Variants in PCDHGA4 observed in about 807,000 individuals in gnomAD.
PCDHGA4 encodes protocadherin gamma-A4.
PCDHGA4 carries 38 observed loss-of-function variants against 54.6 expected under a neutral mutation model. The ratio of observed to expected loss-of-function variants is 0.70; its 90% CI spans 0.54 to 0.91. The LOEUF is 0.91. Ranked by LOEUF, PCDHGA4 falls within the 40% of genes least tolerant of loss-of-function variation. The probability of loss-of-function intolerance (pLI) is 0.00; values close to 1 mark genes in which losing one functional copy is unlikely to be tolerated. For synonymous variants in PCDHGA4, 511 were observed against 512.9 expected (o/e 1.00, Z 0.05); for missense variants, 1,298 against 1,220.9 (o/e 1.06, Z -0.94).
intron 1 of PCDHGA4, chr5:141,364,195 A>G: frequency 9.3e-7 from 1 of 1,073,724 alleles, no homozygotes; most frequent in East Asian, 2.8e-5. Context: ...CTAAACACAC[A>G]GACCAGACAA....
chr5:141,382,360 A>C (rs1310834058), intron 1 of PCDHGA4, among the ~76,000 whole-genome samples: 1 of 152,210 alleles, frequency 6.6e-6, no homozygotes, highest in Non-Finnish European at 1.5e-5. Flanking sequence ...ATTTAAATAA[A>C]ATTTACCTTT....
intron 1 of PCDHGA4, chr5:141,415,035 C>G (rs368588973): frequency 5.6e-6 from 9 of 1,613,578 alleles, no homozygotes; most frequent in South Asian, 1.1e-5. Context: ...AGCCGGGACT[C>G]TTCGCGGTGG....
chr5:141,388,527 T>C, intron 1 of PCDHGA4: 1 of 1,613,866 alleles, frequency 6.2e-7, no homozygotes, highest in Non-Finnish European at 8.5e-7. Flanking sequence ...TTTGACTGCC[T>C]TGGACTTTGG....
At chr5:141,465,978 C>T (rs568961720) in intron 1 of PCDHGA4, among the ~76,000 whole-genome samples, 7 of 151,998 alleles carry the variant, frequency 4.6e-5, no homozygotes, top group South Asian at 2.1e-4. Context: ...AAAAATTAGC[C>T]GGGCATGGTG....
At chr5:141,387,473 G>C (rs1032850562) in intron 1 of PCDHGA4, among the ~76,000 whole-genome samples, 2 of 152,190 alleles carry the variant, frequency 1.3e-5, no homozygotes. Context: ...CCTCAAAGTT[G>C]GGATGAAGGC....
At chr5:141,510,404 G>T (rs1596286932) in intron 3 of PCDHGA4, among the ~76,000 whole-genome samples, 2 of 152,252 alleles carry the variant, frequency 1.3e-5, no homozygotes, top group East Asian at 3.9e-4. Context: ...AAAGGCTAGG[G>T]GCATGTAAAG....
chr5:141,502,750 A>G (rs974131144), intron 2 of PCDHGA4, among the ~76,000 whole-genome samples: 3 of 151,928 alleles, frequency 2.0e-5, no homozygotes, highest in Non-Finnish European at 4.4e-5. Context: ...TTCCTTCTAC[A>G]TGTATTTGCT....
At position 141,356,757 on chromosome 5, in the gene PCDHGA4, C is replaced by T. The variant is rs1413768876; in HGVS notation, c.1650C>T (p.Ser550=). The stretch of plus-strand genomic sequence containing the variant: ...CAGGGATCCTATATGCTCTTTGCTC[C>T]TTCGACTATGAGCAGTTTAGAGACC... The part of the protein sequence containing the change: ...SNTGILYALC[S]FDYEQFRDLQ... Residue 550 remains serine (S), a synonymous_variant, in exon 1 of 4, where the codon TCC becomes TCT. Coordinates refer to ENST00000571252, the MANE Select transcript of PCDHGA4 (RefSeq NM_018917.4). The T allele has an allele frequency of 1.2e-6, 2 of 1,613,908 alleles. No individual in the cohort carries two copies. Among genetic ancestry groups the T allele is most frequent in the Non-Finnish European group, 1.7e-6 (2 of 1,179,784 alleles).
intron 1 of PCDHGA4, chr5:141,428,912 T>C (rs1010303812): frequency 6.6e-6 from 1 of 151,946 alleles, no homozygotes; most frequent in Non-Finnish European, 1.5e-5. Context: ...TGGAGTGCAG[T>C]GGCATGATCT....
Position 141,487,660 on chromosome 5 carries a change from T to C in PCDHGA4, c.2515-7147T>C. Reference sequence around the variant, plus strand: ...AACAAATGCTTGAGGGTTATTCTGATCCAGGCATATGGCTAGGCCATGTCC... The same window carrying C: ...AACAAATGCTTGAGGGTTATTCTGACCCAGGCATATGGCTAGGCCATGTCC... On this transcript the variant is annotated intron_variant, in intron 1 of 3. Coordinates refer to ENST00000571252, the MANE Select transcript of PCDHGA4 (RefSeq NM_018917.4). The surrounding 1 kb of genome is among the most constrained non-coding windows in gnomAD (Gnocchi z 5.0). The C allele has an allele frequency of 6.2e-7, 1 of 1,613,442 alleles. No homozygotes were observed. The highest frequency in any genetic ancestry group is 8.5e-7 in the Non-Finnish European group (1 of 1,179,710).
At position 141,487,493 on chromosome 5, in the gene PCDHGA4, C is replaced by A. The variant is rs1372433097; in HGVS notation, c.2515-7314C>A. 5.6e-6 allele frequency: 9 copies of A among 1,614,050 alleles called. No individual in the cohort carries two copies. The highest frequency in any genetic ancestry group is 6.8e-6 in the Non-Finnish European group (8 of 1,180,034). On this transcript the variant is annotated intron_variant, in intron 1 of 3. Coordinates refer to ENST00000571252, the MANE Select transcript of PCDHGA4 (RefSeq NM_018917.4). This position sits in a 1 kb window ranked among gnomAD's most constrained non-coding sequence, Gnocchi z 5.0. ...GGGAGGCCACTCTCATGGCTGTACACCCTTGGCTTCTGCACCCACTCGGAG... is the reference window on the plus strand; with the variant it reads ...GGGAGGCCACTCTCATGGCTGTACAACCTTGGCTTCTGCACCCACTCGGAG...
intron 1 of PCDHGA4, among the ~76,000 whole-genome samples, chr5:141,459,949 G>T (rs1284876601): frequency 2.0e-5 from 3 of 152,124 alleles, no homozygotes; most frequent in Non-Finnish European, 4.4e-5. Context: ...GTGATGGCAG[G>T]TGCCTGTAAT....
At chr5:141,420,713 G>T (rs1406572601) in intron 1 of PCDHGA4, among the ~76,000 whole-genome samples, 1 of 152,078 alleles carries the variant, frequency 6.6e-6, no homozygotes, top group African/African-American at 2.4e-5. Flanking sequence ...CAGAAATGTC[G>T]TTCCTTTCAG....
chr5:141,482,099 A>AG (rs1423781570), intron 1 of PCDHGA4, among the ~76,000 whole-genome samples: 1 of 151,852 alleles, frequency 6.6e-6, no homozygotes, highest in African/African-American at 2.4e-5. Flanking sequence ...CAAAAAAAAA[A>AG]AAAAAATATC....
chr5:141,408,309 C>G, intron 1 of PCDHGA4: 1 of 1,613,816 alleles, frequency 6.2e-7, no homozygotes, highest in South Asian at 1.1e-5. Context: ...ATCCGCTACT[C>G]GATTCCGGAG....
intron 1 of PCDHGA4, chr5:141,415,749 T>C: frequency 8.2e-7 from 1 of 1,214,000 alleles, no homozygotes; most frequent in Non-Finnish European, 1.1e-6. Flanking sequence ...GGTTTTTTTT[T>C]TTTTTTTTTT....
In PCDHGA4 at chr5:141,487,579, A is replaced by G. The variant is rs779441421; in HGVS notation, c.2515-7228A>G. 60 of 1,614,022 alleles carry G rather than the reference A, an allele frequency of 3.7e-5. No homozygotes were observed. The South Asian group carries it at 6.0e-4, about 16-fold the overall frequency. The stretch of plus-strand genomic sequence containing the variant: ...CTATGGCAGGGGAGCCTGTTCGCCC[A>G]AGCTGCCCACCCTCTGATCTTCTCT... On this transcript the variant is annotated intron_variant, in intron 1 of 3. Transcript: ENST00000571252. This position sits in a 1 kb window ranked among gnomAD's most constrained non-coding sequence, Gnocchi z 5.0.
At chr5:141,389,564 G>A in intron 1 of PCDHGA4, 1 of 1,613,244 alleles carries the variant, frequency 6.2e-7, no homozygotes, top group East Asian at 2.2e-5. Context: ...CGCCACGGGT[G>A]CTGTACCCCG....
intron 1 of PCDHGA4, chr5:141,417,831 C>T: frequency 5.2e-6 from 8 of 1,526,966 alleles, no homozygotes; most frequent in Non-Finnish European, 7.1e-6. Flanking sequence ...ACTGGAAAAG[C>T]GGGGACCCAG....
Sources: gnomAD v4.1 joint callset for allele counts (sites outside exome capture counted in the v4.1 genomes callset) on GRCh38, gnomAD v4.1.1 for gene constraint, Gnocchi (gnomAD v3.1) non-coding constraint, MANE v1.5 for transcripts, NCBI Gene and HGNC (gene_info 2026-07-23, HGNC 2026-07-21) for gene names.